Variants in MGMT observed in about 807,000 individuals in gnomAD.
MGMT encodes methylated-DNA--protein-cysteine methyltransferase.
In MGMT, 14 loss-of-function variants were observed where a neutral mutation model predicts 15.9. That is an observed-to-expected ratio of 0.88 (90% CI 0.58 to 1.37). The LOEUF (loss-of-function observed/expected upper bound fraction) is 1.37, where lower values mean the gene tolerates loss of function less well. Ranked by LOEUF, MGMT falls within the 40% of genes most tolerant of loss-of-function variation. MGMT has a pLI of 0.00. For synonymous variants in MGMT, 130 were observed against 118.2 expected, an observed-to-expected ratio of 1.10 and a Z score of -0.65; for missense variants, 282 against 268.1, an observed-to-expected ratio of 1.05 and a Z score of -0.36.
chr10:129,685,633 G>T (rs1374092732), intron 2 of MGMT, among the ~76,000 whole-genome samples: 2 of 152,222 alleles, frequency 1.3e-5, no homozygotes, highest in Admixed American at 6.5e-5. Flanking sequence ...AGTAGCTTGT[G>T]CAGTGAATGA....
At chr10:129,688,318 G>A (rs894680510) in intron 2 of MGMT, among the ~76,000 whole-genome samples, 3 of 152,218 alleles carry the variant, frequency 2.0e-5, no homozygotes, top group African/African-American at 7.2e-5. Flanking sequence ...CAGTATTAAA[G>A]TGTTCCTATT....
At chr10:129,468,726 AAC>A (rs978069765) in intron 1 of MGMT, among the ~76,000 whole-genome samples, 8 of 152,038 alleles carry the variant, frequency 5.3e-5, no homozygotes, top group African/African-American at 1.9e-4. Flanking sequence ...TTCTACTAAA[AAC>A]ACAAAAATTA....
intron 2 of MGMT, among the ~76,000 whole-genome samples, chr10:129,643,658 C>T (rs1311039394): frequency 2.6e-5 from 4 of 152,190 alleles, no homozygotes; most frequent in Admixed American, 6.5e-5. Flanking sequence ...TGATTTCTTC[C>T]GTTCACCCAG....
intron 2 of MGMT, among the ~76,000 whole-genome samples, chr10:129,581,994 G>A (rs1846561519): frequency 6.6e-6 from 1 of 152,248 alleles, no homozygotes; most frequent in African/African-American, 2.4e-5. Flanking sequence ...GCAGGAGGCT[G>A]TCCAGGGTGT....
intron 4 of MGMT, among the ~76,000 whole-genome samples, chr10:129,762,568 A>G (rs1848887388): frequency 6.6e-6 from 1 of 152,116 alleles, no homozygotes; most frequent in Admixed American, 6.5e-5. Flanking sequence ...TTCCCAGTAT[A>G]TTGAGTAGAA....
chr10:129,628,508 A>G (rs151012971), intron 2 of MGMT, among the ~76,000 whole-genome samples: 158 of 152,244 alleles, frequency 1.0e-3, no homozygotes, highest in Non-Finnish European at 1.7e-3. Flanking sequence ...CTGCCCTGGC[A>G]TTGACCCCGT....
At chr10:129,636,819 A>G (rs1042760957) in intron 2 of MGMT, among the ~76,000 whole-genome samples, 2 of 152,248 alleles carry the variant, frequency 1.3e-5, no homozygotes, top group Non-Finnish European at 2.9e-5. Flanking sequence ...GTCAATCAGA[A>G]TTATACAATT....
intron 3 of MGMT, among the ~76,000 whole-genome samples, chr10:129,734,685 T>C (rs1848540157): frequency 1.3e-5 from 2 of 152,136 alleles, no homozygotes; most frequent in Non-Finnish European, 1.5e-5. Context: ...CAGTATGATA[T>C]TGGCTGTGGG....
chr10:129,480,100 G>T (rs1397291443), intron 1 of MGMT, among the ~76,000 whole-genome samples: 2 of 152,172 alleles, frequency 1.3e-5, no homozygotes, highest in African/African-American at 4.8e-5. Flanking sequence ...CATAATGCCT[G>T]GATGAATAGA....
At chr10:129,701,575 A>G (rs752937196) in intron 2 of MGMT, 1 of 152,108 alleles carries the variant, frequency 6.6e-6, no homozygotes, top group Non-Finnish European at 1.5e-5. Flanking sequence ...TGAATACCCA[A>G]ATCTCCCAGC....
chr10:129,733,736 A>G lies in MGMT; in HGVS notation c.275-25466A>G, dbSNP rs895751915. Among the ~76,000 whole-genome samples, 62 of 152,108 alleles carry G rather than the reference A, an allele frequency of 4.1e-4. No individual in the cohort carries two copies. In the East Asian group the frequency reaches 7.0e-3, roughly 17 times the overall value. ...TAATCCATCTTGAATTGATTTTTGTATAAGGTGTAAGGAAGGGATCCAGTT... is the reference window on the plus strand; with the variant it reads ...TAATCCATCTTGAATTGATTTTTGTGTAAGGTGTAAGGAAGGGATCCAGTT... On this transcript the variant is annotated intron_variant, in intron 3 of 4. Coordinates refer to ENST00000651593, the MANE Select transcript of MGMT (RefSeq NM_002412.5).
rs577534511 is a variant in MGMT, at chr10:129,759,114, G to A, written c.275-88G>A. ...ATAATACCTCTATTTGTGTAGATGC[G>A]TTTCCTGTTTTGGGACTAGTGGCTA... On this transcript the variant is annotated intron_variant, in intron 3 of 4. Transcript: ENST00000651593. 80 of 1,493,868 alleles carry A rather than the reference G, an allele frequency of 5.4e-5. No individual in the cohort carries two copies. In the African/African-American group the frequency reaches 8.9e-4, roughly 17 times the overall value. 92.5% of individuals were successfully genotyped at this position (1,493,868 alleles called of 1,614,324 possible).
intron 2 of MGMT, among the ~76,000 whole-genome samples, chr10:129,661,625 C>T (rs1217348377): frequency 2.6e-5 from 4 of 152,148 alleles, no homozygotes; most frequent in Admixed American, 6.5e-5. Flanking sequence ...CTTTGTCTAA[C>T]AAGTTATACA....
At chr10:129,689,883 G>A (rs769040912) in intron 2 of MGMT, among the ~76,000 whole-genome samples, 8 of 152,330 alleles carry the variant, frequency 5.3e-5, no homozygotes, top group Middle Eastern at 3.4e-3. Flanking sequence ...ATGATAGGCC[G>A]TGATAAAACT....
chr10:129,640,624 TG>T (rs1847317603), intron 2 of MGMT, among the ~76,000 whole-genome samples: 1 of 152,198 alleles, frequency 6.6e-6, no homozygotes. Flanking sequence ...CTTTTTATGA[TG>T]GCAGCATTAC....
At chr10:129,615,684 C>T (rs1161135040) in intron 2 of MGMT, among the ~76,000 whole-genome samples, 4 of 151,804 alleles carry the variant, frequency 2.6e-5, no homozygotes, top group Admixed American at 6.6e-5. Context: ...CTGAGGCTGC[C>T]GTGCGGGTGT....
intron 2 of MGMT, among the ~76,000 whole-genome samples, chr10:129,696,912 G>A (rs1848039165): frequency 6.6e-6 from 1 of 152,230 alleles, no homozygotes; most frequent in South Asian, 2.1e-4. Context: ...GCCTTGCTTT[G>A]GAGGGTTGAC....
chr10:129,535,102 A>G (rs1036550431), intron 1 of MGMT, among the ~76,000 whole-genome samples: 3 of 152,164 alleles, frequency 2.0e-5, no homozygotes, highest in Non-Finnish European at 4.4e-5. Context: ...CCCTTGATGT[A>G]GGGAGCCTTT....
intron 1 of MGMT, among the ~76,000 whole-genome samples, chr10:129,522,965 A>G (rs1174102289): frequency 1.3e-5 from 2 of 152,242 alleles, no homozygotes; most frequent in East Asian, 1.9e-4. Context: ...ACTTCACCCA[A>G]CTTTAGAGGC....
Sources: allele counts gnomAD v4.1 joint callset (sites outside exome capture counted in the v4.1 genomes callset), GRCh38; gene constraint gnomAD v4.1.1; transcripts MANE v1.5; gene names NCBI Gene and HGNC (gene_info 2026-07-23, HGNC 2026-07-21).